Variants in PSG1 observed in about 807,000 individuals in gnomAD.
The protein encoded by PSG1 is pregnancy specific beta-1-glycoprotein 1, also known as pregnancy-specific beta-1-glycoprotein 1.
Under a neutral mutation model 41.4 loss-of-function variants are expected in PSG1, and 60 were observed. The observed-to-expected ratio is 1.45, with a 90% CI of 1.18 to 1.80. The LOEUF (loss-of-function observed/expected upper bound fraction) is 1.80, where lower values mean the gene tolerates loss of function less well. Ranked by LOEUF, PSG1 falls within the 40% of genes most tolerant of loss-of-function variation. The pLI, the probability that PSG1 is intolerant of heterozygous loss-of-function variation, is 0.00. For missense variants in PSG1, 806 were observed against 516.9 expected (o/e 1.56, Z -5.42); for synonymous variants, 256 against 192.9 (o/e 1.33, Z -2.71).
chr19:42,875,758 G>A (rs1423226996), intron 2 of PSG1, among the ~76,000 whole-genome samples: 1 of 151,180 alleles, frequency 6.6e-6, no homozygotes, highest in Non-Finnish European at 1.5e-5. Context: ...TGGCAGACTT[G>A]GAGTCATTAA....
chr19:42,868,129 G>T lies in PSG1; in HGVS notation c.1215C>A (p.Ser405Arg). ...AGACTTCGACTGTCATGGATTTGGA[G>T]CTTTCCTTGCCAGTGGCTGAGTTAC... ...SVRNSATGKESSKSMTVEVSD... is the reference protein window; with the variant it reads ...SVRNSATGKERSKSMTVEVSD... The change falls in exon 5 of 6, where the codon AGC becomes AGA. Residue 405 changes from serine (S) to arginine (R), a missense_variant. Transcript: ENST00000436291. 1 of 1,612,400 alleles carries T rather than the reference G, an allele frequency of 6.2e-7. No individual in the cohort carries two copies. Among genetic ancestry groups the T allele is most frequent in the Non-Finnish European group, 8.5e-7 (1 of 1,179,106 alleles).
intron 2 of PSG1, among the ~76,000 whole-genome samples, chr19:42,875,310 T>C (rs1329592736): frequency 6.6e-6 from 1 of 151,702 alleles, no homozygotes; most frequent in Non-Finnish European, 1.5e-5. Flanking sequence ...GTAAAACTAG[T>C]GAAAGACCAT....
rs200160804 is a variant in PSG1 at position 42,875,889 on chromosome 19, G to A, written c.430+2024C>T. 3.4e-5 allele frequency among the ~76,000 whole-genome samples: 5 copies of A among 149,116 alleles called. No individual in the cohort carries two copies. The East Asian group carries it at 9.8e-4, about 29-fold the overall frequency. On this transcript the variant is annotated intron_variant, in intron 2 of 5. Transcript: ENST00000436291. ...CTGGCAATTATGAGAGTGGATGGAG[G>A]AACTGCCTATCCCTGTCCCATGGTC...
At chr19:42,867,556 A>T (rs1462597021) in intron 5 of PSG1, 3 of 637,512 alleles carry the variant, frequency 4.7e-6, no homozygotes, top group Non-Finnish European at 8.4e-6. Context: ...TTGGTAATAT[A>T]ACCAATGATT....
At chr19:42,876,265 G>T (rs1468452328) in intron 2 of PSG1, among the ~76,000 whole-genome samples, 4 of 151,418 alleles carry the variant, frequency 2.6e-5, no homozygotes, top group African/African-American at 4.9e-5. Flanking sequence ...CAGTGAGGGA[G>T]ACACTGTCTT....
At chr19:42,877,470 A>G (rs1023138031) in intron 2 of PSG1, among the ~76,000 whole-genome samples, 13 of 151,656 alleles carry the variant, frequency 8.6e-5, no homozygotes, top group African/African-American at 1.9e-4. Context: ...ACCCAGTCCC[A>G]GCACAGGCTC....
rs530270765 is a variant in PSG1, at chr19:42,877,934, G to T, written c.409C>A (p.Arg137Ser). 6.8e-6 allele frequency: 11 copies of T among 1,612,200 alleles called. No homozygotes were observed. In the Admixed American group the frequency reaches 1.0e-4, roughly 15 times the overall value. Reference sequence around the variant, plus strand: ...TTACGGTGTAAGGTGAAGGTGAAACGTCCAGTTACTCCTCTAGTCCCATCA... The same window carrying T: ...TTACGGTGTAAGGTGAAGGTGAAACTTCCAGTTACTCCTCTAGTCCCATCA... ...GDDGTRGVTG[R>S]FTFTLHLETP... The change falls in exon 2 of 6, where the codon CGT (arginine) becomes AGT (serine). Residue 137 changes from arginine to serine, a missense_variant. Transcript: ENST00000436291.
At chr19:42,875,911 G>T (rs536226748) in intron 2 of PSG1, among the ~76,000 whole-genome samples, 12 of 148,142 alleles carry the variant, frequency 8.1e-5, no homozygotes, top group East Asian at 2.0e-4. Flanking sequence ...CCTGTCCCAT[G>T]GTCTTGTCCA....
rs150536125 is a variant in PSG1, at chr19:42,868,199, C to G, written c.1145G>C (p.Arg382Pro). 5.7e-5 allele frequency: 92 copies of G among 1,612,148 alleles called. 1 individual carries two copies. Among genetic ancestry groups the G allele is most frequent in the Non-Finnish European group, 7.3e-5 (86 of 1,179,094 alleles). The change falls in exon 5 of 6, where the codon CGC (arginine) becomes CCC (proline). Residue 382 changes from arginine (R) to proline (P), a missense_variant. Physicochemically the swap from Arg to Pro is moderately radical, Grantham distance 103. Transcript: ENST00000436291. ...FQLPGQKLFI[R>P]HITTKHSGLY... The stretch of plus-strand genomic sequence containing the variant: ...CCCGCTATGCTTTGTAGTAATATGG[C>G]GGATAAAGAGCTTTTGTCCTGGTAG...
At chr19:42,875,411 G>T (rs927181839) in intron 2 of PSG1, among the ~76,000 whole-genome samples, 10 of 151,666 alleles carry the variant, frequency 6.6e-5, no homozygotes, top group Admixed American at 6.6e-4. Flanking sequence ...TTGGGACAGG[G>T]TTTACAAAAT....
chr19:42,868,436 C>A lies in PSG1; in HGVS notation c.989-81G>T, dbSNP rs1312238882. On this transcript the variant is annotated intron_variant, in intron 4 of 5. Coordinates refer to ENST00000436291, the MANE Select transcript of PSG1 (RefSeq NM_001184825.2). ...CTGGTCTCTTAAAGGGACACAGTGA[C>A]CCTCTGAGCCAAGACACACCCTCAA... The A allele has an allele frequency of 4.0e-6, 6 of 1,488,996 alleles. No homozygotes were observed. The African/African-American group carries it at 5.6e-5, about 14-fold the overall frequency. 92.2% of individuals were successfully genotyped at this position (1,488,996 alleles called of 1,614,324 possible).
chr19:42,878,880 T>A (rs1378557184), intron 1 of PSG1, among the ~76,000 whole-genome samples: 2 of 151,168 alleles, frequency 1.3e-5, no homozygotes, highest in African/African-American at 4.9e-5. Context: ...GCCCTGGGTG[T>A]TTTTTTTCCC....
chr19:42,871,566 T>C lies in PSG1; in HGVS notation c.709+201A>G, dbSNP rs139141130. Among the ~76,000 whole-genome samples, 269 of 151,724 alleles carry C rather than the reference T, an allele frequency of 1.8e-3. 7 individuals are homozygous for C. The highest frequency in any genetic ancestry group is 6.3e-3 in the African/African-American group (261 of 41,388). On this transcript the variant is annotated intron_variant, in intron 3 of 5. Coordinates refer to ENST00000436291, the MANE Select transcript of PSG1 (RefSeq NM_001184825.2). Reference sequence around the variant, plus strand: ...CAAGCTGTGGACCCTGAGTCTCCCATGACAGGAGCAGCCTCTTTTCTCCTA... The same window carrying C: ...CAAGCTGTGGACCCTGAGTCTCCCACGACAGGAGCAGCCTCTTTTCTCCTA...
At position 42,869,052 on chromosome 19, in the gene PSG1, A is replaced by G; in HGVS notation, c.710-18T>C. On this transcript the variant is annotated intron_variant, in intron 3 of 5. Transcript: ENST00000436291. ...CAGCTTCGCTGTGTGGATAACAGAG[A>G]GAAGATTGTCCTGTGTGGCACCTTT... The G allele has an allele frequency of 1.2e-6, 2 of 1,601,496 alleles. No individual in the cohort carries two copies. The highest frequency in any genetic ancestry group is 1.7e-6 in the Non-Finnish European group (2 of 1,174,432).
chr19:42,868,641 A>G, intron 4 of PSG1, 115 bp downstream of exon 4: 3 of 1,551,774 alleles, frequency 1.9e-6, no homozygotes, highest in Non-Finnish European at 2.6e-6. Flanking sequence ...GCCAGCTCCG[A>G]TGTCCAGAAG....
chr19:42,876,984 C>T (rs1971635154), intron 2 of PSG1, among the ~76,000 whole-genome samples: 1 of 151,574 alleles, frequency 6.6e-6, no homozygotes, highest in Non-Finnish European at 1.5e-5. Context: ...GTCACTGTGC[C>T]TTCCTGTGCC....
At chr19:42,875,882 G>T (rs528746921) in intron 2 of PSG1, among the ~76,000 whole-genome samples, 2 of 148,678 alleles carry the variant, frequency 1.3e-5, no homozygotes, top group Admixed American at 6.7e-5. Flanking sequence ...TATGAGAGTG[G>T]ATGGAGGAAC....
chr19:42,872,793 C>G (rs1478815296), intron 2 of PSG1, among the ~76,000 whole-genome samples: 1 of 151,834 alleles, frequency 6.6e-6, no homozygotes, highest in African/African-American at 2.4e-5. Context: ...TCCCTTCCCC[C>G]TGTAGAGGGC....
intron 3 of PSG1, among the ~76,000 whole-genome samples, chr19:42,871,055 C>G (rs1971361454): frequency 6.6e-6 from 1 of 151,662 alleles, no homozygotes; most frequent in South Asian, 2.1e-4. Context: ...TCCCTGATAG[C>G]TAGATAGACT....
Sources: allele counts gnomAD v4.1 joint callset (sites outside exome capture counted in the v4.1 genomes callset), GRCh38; gene constraint gnomAD v4.1.1; transcripts MANE v1.5; gene names NCBI Gene and HGNC (gene_info 2026-07-23, HGNC 2026-07-21).